The following ITGBL1 variants were observed in gnomAD, a reference collection of about 807,000 sequenced individuals.
The protein encoded by ITGBL1 is integrin subunit beta like 1, also known as integrin beta-like protein 1.
ITGBL1 carries 51 observed loss-of-function variants against 68.5 expected under a neutral mutation model. The ratio of observed to expected loss-of-function variants is 0.74; its 90% CI spans 0.59 to 0.94. ITGBL1 has a LOEUF of 0.94. ITGBL1 is among the 40% of genes least tolerant of loss of function. The probability of loss-of-function intolerance (pLI) is 0.00; values close to 1 mark genes in which losing one functional copy is unlikely to be tolerated. For missense variants in ITGBL1, 649 were observed against 647.4 expected (o/e 1.00, Z -0.03); for synonymous variants, 209 against 227.3 (o/e 0.92, Z 0.72).
intron 8 of ITGBL1, among the ~76,000 whole-genome samples, chr13:101,704,223 G>T (rs779045972): frequency 1.3e-5 from 2 of 152,038 alleles, no homozygotes; most frequent in Non-Finnish European, 2.9e-5. Context: ...TTGTTCATCC[G>T]TTGTTCCACC....
chr13:101,552,349 C>A (rs745353552), intron 2 of ITGBL1, among the ~76,000 whole-genome samples: 7 of 151,992 alleles, frequency 4.6e-5, no homozygotes, highest in Non-Finnish European at 8.8e-5. Context: ...TAAATAGAAT[C>A]AAAAGTGACA....
intron 7 of ITGBL1, among the ~76,000 whole-genome samples, chr13:101,637,842 T>A (rs2139423183): frequency 6.6e-6 from 1 of 152,230 alleles, no homozygotes; most frequent in East Asian, 1.9e-4. Context: ...ATCTTAGAGG[T>A]CATTTAGCAG....
chr13:101,500,287 A>G (rs1005125900), intron 2 of ITGBL1, among the ~76,000 whole-genome samples: 16 of 152,304 alleles, frequency 1.1e-4, no homozygotes, highest in African/African-American at 3.6e-4. Context: ...TTGGATTCCC[A>G]TTTATAACAG....
Position 101,554,085 on chromosome 13 carries a change from C to T in ITGBL1, c.317-13614C>T, listed in dbSNP as rs10467223. ...CCCCGCTGTGCCCGGCCGAGGTTTC[C>T]CCTTTTTATAAGGATAACAGTCATA... On this transcript the variant is annotated intron_variant, in intron 2 of 10. Coordinates refer to ENST00000376180, the MANE Select transcript of ITGBL1 (RefSeq NM_004791.3). Among the ~76,000 whole-genome samples, 6 of 152,192 alleles carry T rather than the reference C, an allele frequency of 3.9e-5. No homozygotes were observed. The East Asian group carries it at 1.2e-3, about 29-fold the overall frequency.
intron 2 of ITGBL1, among the ~76,000 whole-genome samples, chr13:101,460,245 G>A (rs1488344553): frequency 2.0e-5 from 3 of 152,092 alleles, no homozygotes; most frequent in Admixed American, 1.3e-4. Context: ...CACCAAGCAC[G>A]TAAGAATATT....
chr13:101,615,154 C>T (rs2031300838), intron 7 of ITGBL1, among the ~76,000 whole-genome samples: 1 of 152,068 alleles, frequency 6.6e-6, no homozygotes, highest in Admixed American at 6.6e-5. Context: ...TGCATCACTC[C>T]CTGCTCTGCC....
chr13:101,669,243 T>C (rs2033298304), intron 7 of ITGBL1, among the ~76,000 whole-genome samples: 1 of 150,398 alleles, frequency 6.6e-6, no homozygotes, highest in South Asian at 2.1e-4. Flanking sequence ...ATTAGGGGAG[T>C]GAGAGGGATG....
Position 101,454,025 on chromosome 13 carries a change from C to G in ITGBL1, c.241C>G (p.Pro81Ala), listed in dbSNP as rs779419883. The change falls in exon 2 of 11, where the codon CCG (proline) becomes GCG (alanine). Residue 81 changes from proline (P) to alanine (A), a missense_variant. Physicochemically the swap from Pro to Ala is conservative, Grantham distance 27. Transcript: ENST00000376180. ...CGVCICHVTE[P>A]GMFFGPLCEC... ...CGTCTGCATCTGCCACGTGACTGAGCCGGGCATGTTCTTCGGGCCCCTGTG... is the reference window on the plus strand; with the variant it reads ...CGTCTGCATCTGCCACGTGACTGAGGCGGGCATGTTCTTCGGGCCCCTGTG... 5 of 1,587,518 alleles carry G rather than the reference C, an allele frequency of 3.1e-6. No homozygotes were observed. The South Asian group carries it at 3.5e-5, about 11-fold the overall frequency.
At chr13:101,605,609 C>CGT (rs1566754110) in intron 7 of ITGBL1, among the ~76,000 whole-genome samples, 2 of 149,056 alleles carry the variant, frequency 1.3e-5, no homozygotes, top group African/African-American at 4.9e-5. Context: ...TGTGTATATG[C>CGT]GTATATATAT....
chr13:101,607,604 T>G (rs2030930927), intron 7 of ITGBL1, among the ~76,000 whole-genome samples: 2 of 151,884 alleles, frequency 1.3e-5, no homozygotes, highest in African/African-American at 4.8e-5. Context: ...ATGGAATACA[T>G]AGGTTTAAAT....
intron 2 of ITGBL1, among the ~76,000 whole-genome samples, chr13:101,513,380 A>G (rs1478911940): frequency 2.0e-5 from 3 of 152,086 alleles, no homozygotes; most frequent in Admixed American, 6.6e-5. Flanking sequence ...AAGACCAGTA[A>G]GACTAAATGA....
intron 2 of ITGBL1, among the ~76,000 whole-genome samples, chr13:101,503,782 C>A (rs929424735): frequency 2.6e-5 from 4 of 152,158 alleles, no homozygotes; most frequent in African/African-American, 9.7e-5. Flanking sequence ...TGAGACTTTC[C>A]TTTGCTGTTA....
intron 6 of ITGBL1, among the ~76,000 whole-genome samples, chr13:101,587,136 A>G (rs2050571075): frequency 6.6e-6 from 1 of 152,154 alleles, no homozygotes; most frequent in South Asian, 2.1e-4. Flanking sequence ...AGCTCTTTTA[A>G]TTGACATTCT....
At chr13:101,620,167 C>G (rs909543445) in intron 7 of ITGBL1, among the ~76,000 whole-genome samples, 5 of 152,074 alleles carry the variant, frequency 3.3e-5, no homozygotes, top group African/African-American at 9.7e-5. Context: ...TGTAATTCTA[C>G]ATTGCAATTT....
chr13:101,637,388 G>T (rs1478875265), intron 7 of ITGBL1, among the ~76,000 whole-genome samples: 1 of 145,986 alleles, frequency 6.8e-6, no homozygotes, highest in Non-Finnish European at 1.5e-5. Flanking sequence ...CTGTCACCCA[G>T]GCTAGAGTGC....
intron 7 of ITGBL1, among the ~76,000 whole-genome samples, chr13:101,681,545 A>T (rs183871934): frequency 2.6e-3 from 397 of 152,262 alleles, no homozygotes; most frequent in African/African-American, 9.1e-3. Context: ...TTAGTGGGCG[A>T]CTGTGTCTGT....
intron 6 of ITGBL1, among the ~76,000 whole-genome samples, chr13:101,586,940 A>G (rs1344686331): frequency 6.6e-6 from 1 of 152,192 alleles, no homozygotes; most frequent in Non-Finnish European, 1.5e-5. Flanking sequence ...GAGTATATTA[A>G]TACCTTTGTG....
intron 7 of ITGBL1, among the ~76,000 whole-genome samples, chr13:101,600,436 T>C (rs1266740075): frequency 3.9e-5 from 6 of 152,314 alleles, no homozygotes; most frequent in South Asian, 2.1e-4. Context: ...TATTCCCTTC[T>C]CCTGCCTGAT....
At chr13:101,535,205 A>G (rs1402184626) in intron 2 of ITGBL1, among the ~76,000 whole-genome samples, 2 of 152,072 alleles carry the variant, frequency 1.3e-5, no homozygotes, top group South Asian at 2.1e-4. Context: ...ATCTTCACAG[A>G]TGATATTTTA....
Sources: gnomAD v4.1 joint callset for allele counts (sites outside exome capture counted in the v4.1 genomes callset) on GRCh38, gnomAD v4.1.1 for gene constraint, MANE v1.5 for transcripts, NCBI Gene and HGNC (gene_info 2026-07-23, HGNC 2026-07-21) for gene names.